LRRC63: variants seen among roughly 807,000 people sequenced by gnomAD.
LRRC63 encodes the protein leucine rich repeat containing 63.
Under a neutral mutation model 49.5 loss-of-function variants are expected in LRRC63, and 40 were observed. That is an observed-to-expected ratio of 0.81 (90% CI 0.63 to 1.05). The LOEUF (loss-of-function observed/expected upper bound fraction) is 1.05, where lower values mean the gene tolerates loss of function less well. LRRC63 is among the 50% of genes least tolerant of loss of function. LRRC63 has a pLI of 0.00. For missense variants in LRRC63, 636 were observed against 663.1 expected (o/e 0.96, Z 0.45); for synonymous variants, 191 against 221.1 (o/e 0.86, Z 1.21).
At chr13:46,269,838 A>T (rs2138590111) in intron 9 of LRRC63, among the ~76,000 whole-genome samples, 1 of 148,050 alleles carries the variant, frequency 6.8e-6, no homozygotes, top group South Asian at 2.1e-4. Context: ...TATATACTAT[A>T]TATCTATATA....
chr13:46,238,305 A>G (rs1351835747), intron 5 of LRRC63, among the ~76,000 whole-genome samples: 1 of 152,180 alleles, frequency 6.6e-6, no homozygotes, highest in Non-Finnish European at 1.5e-5. Flanking sequence ...GGACCTTTAC[A>G]GAACTCTACC....
At chr13:46,240,272 G>A (rs539837268) in intron 5 of LRRC63, among the ~76,000 whole-genome samples, 4 of 150,972 alleles carry the variant, frequency 2.6e-5, no homozygotes, top group Non-Finnish European at 4.4e-5. Context: ...GACTACAGGC[G>A]CCTGCCACCA....
Position 46,266,723 on chromosome 13 carries a change from T to G in LRRC63, c.1311-10T>G. The G allele has an allele frequency of 6.5e-7, 1 of 1,526,846 alleles. No individual in the cohort carries two copies. Among genetic ancestry groups the G allele is most frequent in the Non-Finnish European group, 8.8e-7 (1 of 1,138,686 alleles). The allele number at this position is 1,526,846 out of a possible 1,614,324, so 94.6% of individuals were successfully genotyped here. On this transcript the variant is annotated splice_polypyrimidine_tract_variant and intron_variant, in intron 8 of 9. Coordinates refer to ENST00000595396, the Ensembl canonical transcript of LRRC63. ...AATACCTTTTAAAGTGTGGTTTCCT[T>G]TATTTACAGATCACTTGAAAAACTG...
In LRRC63 at chr13:46,264,948, G is replaced by T. The variant is rs150311298; in HGVS notation, c.1311-1785G>T. ...GAGGAGGGTGTATTGCCTGAGGTCA[G>T]GCATTCAAGACTAGCCTGGCCAACA... is the stretch of plus-strand genomic sequence containing the variant. On this transcript the variant is annotated intron_variant, in intron 8 of 9. Transcript: ENST00000595396. Among the ~76,000 whole-genome samples, 120 of 152,234 alleles carry T rather than the reference G, an allele frequency of 7.9e-4. 1 individual carries two copies. The East Asian group carries it at 0.021, about 26-fold the overall frequency.
chr13:46,275,240 A>T (rs1322280834), intron 9 of LRRC63, among the ~76,000 whole-genome samples: 2 of 152,106 alleles, frequency 1.3e-5, no homozygotes, highest in Non-Finnish European at 2.9e-5. Flanking sequence ...ATTTAGGTCA[A>T]CTCCATATCT....
chr13:46,251,903 TC>T (rs2047393597), intron 7 of LRRC63, among the ~76,000 whole-genome samples: 1 of 151,970 alleles, frequency 6.6e-6, no homozygotes, highest in African/African-American at 2.4e-5. Context: ...AACATTTTGT[TC>T]ATTGTTTAGA....
intron 8 of LRRC63, 67 bp from the exon 9 acceptor site, chr13:46,266,666 G>A: frequency 7.5e-7 from 1 of 1,328,940 alleles, no homozygotes. Flanking sequence ...AACAATTGAG[G>A]CAGAATTTTA....
chr13:46,231,274 T>C (rs1433373945), intron 4 of LRRC63, among the ~76,000 whole-genome samples: 1 of 152,200 alleles, frequency 6.6e-6, no homozygotes, highest in Non-Finnish European at 1.5e-5. Flanking sequence ...TATGTGTTAG[T>C]TTGTTCTTTC....
intron 2 of LRRC63, among the ~76,000 whole-genome samples, chr13:46,216,672 G>A (rs922515896): frequency 3.3e-5 from 5 of 152,188 alleles, no homozygotes; most frequent in Non-Finnish European, 7.3e-5. Context: ...GGGCATCCTT[G>A]TCTTGTGCCA....
At chr13:46,213,025 A>T (rs1420402314) in exon 2 of LRRC63, 16 of 1,530,782 alleles carry the variant, frequency 1.0e-5, no homozygotes, top group Non-Finnish European at 1.8e-6. Flanking sequence ...AGCACTTATT[A>T]TTCATTAAAA....
chr13:46,258,785 G>A (rs1317893907), intron 7 of LRRC63, among the ~76,000 whole-genome samples: 2 of 136,216 alleles, frequency 1.5e-5, no homozygotes, highest in Admixed American at 7.6e-5. Context: ...CTCCAGCCTG[G>A]TGACAGAGCA....
intron 5 of LRRC63, among the ~76,000 whole-genome samples, chr13:46,240,126 CTTT>C (rs35181820): frequency 1.3e-4 from 16 of 120,872 alleles, no homozygotes; most frequent in South Asian, 2.8e-4. Context: ...CTCTCTTTTT[CTTT>C]TTTTTTTTTT....
intron 7 of LRRC63, among the ~76,000 whole-genome samples, chr13:46,258,617 G>A (rs2047560991): frequency 6.7e-6 from 1 of 150,266 alleles, no homozygotes; most frequent in Non-Finnish European, 1.5e-5. Context: ...AGACCATCCT[G>A]GCCAACATGG....
intron 7 of LRRC63, among the ~76,000 whole-genome samples, chr13:46,253,619 G>C (rs1445846345): frequency 1.3e-5 from 2 of 152,094 alleles, no homozygotes; most frequent in Non-Finnish European, 2.9e-5. Flanking sequence ...GAGGTAATGA[G>C]AGCTTGGACT....
exon 10 of LRRC63, chr13:46,276,716 T>C: frequency 1.6e-6 from 2 of 1,228,390 alleles, no homozygotes; most frequent in East Asian, 3.2e-5. Context: ...CTTCTTGCTA[T>C]AGAAGAATAA....
At chr13:46,220,967 A>G (rs117211605) in intron 2 of LRRC63, among the ~76,000 whole-genome samples, 2 of 152,276 alleles carry the variant, frequency 1.3e-5, no homozygotes, top group East Asian at 1.9e-4. Context: ...TCTCTACCCA[A>G]TCAGACTGCC....
At chr13:46,250,896 C>A (rs2047361123) in intron 7 of LRRC63, among the ~76,000 whole-genome samples, 1 of 151,754 alleles carries the variant, frequency 6.6e-6, no homozygotes, top group African/African-American at 2.4e-5. Context: ...GTAATTTAAC[C>A]ATTCTTGGCC....
intron 9 of LRRC63, among the ~76,000 whole-genome samples, chr13:46,275,160 T>G (rs1270396552): frequency 6.6e-6 from 1 of 152,202 alleles, no homozygotes; most frequent in Non-Finnish European, 1.5e-5. Flanking sequence ...TTTTATTCCT[T>G]TTATAGCTGA....
At chr13:46,249,122 T>C (rs1952761676) in intron 6 of LRRC63, among the ~76,000 whole-genome samples, 1 of 151,800 alleles carries the variant, frequency 6.6e-6, no homozygotes, top group South Asian at 2.1e-4. Context: ...TACCAAAATT[T>C]CTGAGATGCA....
Sources: gnomAD v4.1 joint callset for allele counts (sites outside exome capture counted in the v4.1 genomes callset) on GRCh38, gnomAD v4.1.1 for gene constraint, MANE v1.5 for transcripts, NCBI Gene and HGNC (gene_info 2026-07-23, HGNC 2026-07-21) for gene names.